SYNJ2: variants seen among roughly 807,000 people sequenced by gnomAD.
The protein encoded by SYNJ2 is synaptojanin 2, also known as polyphosphatidylinositol phosphatase SYNJ2.
Under a neutral mutation model 141.3 loss-of-function variants are expected in SYNJ2, and 116 were observed. That is an observed-to-expected ratio of 0.82 (90% CI 0.71 to 0.96). SYNJ2 has a LOEUF of 0.96. Ranked by LOEUF, SYNJ2 falls within the 40% of genes least tolerant of loss-of-function variation. SYNJ2 has a pLI of 0.00. For synonymous variants in SYNJ2, 745 were observed against 777.7 expected (o/e 0.96, Z 0.70); for missense variants, 1,873 against 1,934.8 (o/e 0.97, Z 0.60).
intron 8 of SYNJ2, among the ~76,000 whole-genome samples, chr6:158,063,205 T>G (rs887301803): frequency 1.3e-5 from 2 of 152,182 alleles, no homozygotes; most frequent in Non-Finnish European, 2.9e-5. Flanking sequence ...TACAACTTTA[T>G]AGAACATAAT....
chr6:158,088,034 A>ATTTTTTTTTTTTTTTT (rs568222551), intron 23 of SYNJ2, among the ~76,000 whole-genome samples: 1 of 31,922 alleles, frequency 3.1e-5, no homozygotes, highest in African/African-American at 8.5e-5. Context: ...CTGCTTTGGA[A>ATTTTTTTTTTTTTTTT]TTTTTTTTTT....
rs1297827126 is a variant in SYNJ2, at chr6:158,095,641, T to A, written c.3768T>A (p.Phe1256Leu). 6.2e-7 allele frequency: 1 copy of A among 1,606,038 alleles called. No homozygotes were observed. Among genetic ancestry groups the A allele is most frequent in the South Asian group, 1.1e-5 (1 of 90,038 alleles). Reference protein sequence around the residue: ...TGKPLSPEEQFEQQTVHFTIG... With the variant: ...TGKPLSPEEQLEQQTVHFTIG... Reference sequence around the variant, plus strand: ...AGCCCCTGTCACCGGAAGAACAGTTTGAGCAACAGACTGTCCATTTTACAA... The same window carrying A: ...AGCCCCTGTCACCGGAAGAACAGTTAGAGCAACAGACTGTCCATTTTACAA... The change falls in exon 27 of 27, where the codon TTT becomes TTA. Residue 1256 changes from phenylalanine to leucine, a missense_variant. Coordinates refer to ENST00000355585, the MANE Select transcript of SYNJ2 (RefSeq NM_003898.4).
chr6:158,040,722 G>A lies in SYNJ2; in HGVS notation c.712-2594G>A, dbSNP rs767799515. 2.0e-5 allele frequency among the ~76,000 whole-genome samples: 3 copies of A among 152,184 alleles called. No homozygotes were observed. The highest frequency in any genetic ancestry group is 4.4e-5 in the Non-Finnish European group (3 of 68,040). ...TCAGATAGAAGGTATATGTACCCCTGTGAGTTTTCCTGCCTCGTCGCTCTC... is the reference window on the plus strand; with the variant it reads ...TCAGATAGAAGGTATATGTACCCCTATGAGTTTTCCTGCCTCGTCGCTCTC... On this transcript the variant is annotated intron_variant, in intron 4 of 26. Coordinates refer to ENST00000355585, the MANE Select transcript of SYNJ2 (RefSeq NM_003898.4). The surrounding 1 kb of genome is among the most constrained non-coding windows in gnomAD (Gnocchi z 4.2).
Position 158,059,649 on chromosome 6 carries a change from G to T in SYNJ2, c.954+296G>T, listed in dbSNP as rs949519366. ...AGCTCACTGCAACCTCTGCCTCCCA[G>T]GTACAAGCGATTCTCCTCCCTCAGC... On this transcript the variant is annotated intron_variant, in intron 7 of 26. Coordinates refer to ENST00000355585, the MANE Select transcript of SYNJ2 (RefSeq NM_003898.4). 3 of 931,218 alleles carry T rather than the reference G, an allele frequency of 3.2e-6. No individual in the cohort carries two copies. The East Asian group carries it at 2.7e-4, about 83-fold the overall frequency. The allele number at this position is 931,218 out of a possible 1,614,324, so 57.7% of individuals were successfully genotyped here.
Position 158,076,743 on chromosome 6 carries a change from G to A in SYNJ2, c.2410G>A (p.Val804Met), listed in dbSNP as rs1167481937. 13 of 1,614,088 alleles carry A rather than the reference G, an allele frequency of 8.1e-6. No individual in the cohort carries two copies. The highest frequency in any genetic ancestry group is 1.7e-5 in the Admixed American group (1 of 59,980). The change falls in exon 17 of 27, where the codon GTG becomes ATG. Residue 804 changes from valine to methionine, a missense_variant. Transcript: ENST00000355585. ...CCGCACCCCCGCCTGGACAGACAGG[G>A]TGCTGTGGTGGAGGAAGAAACATCC... ...KCRTPAWTDR[V>M]LWWRKKHPFD... is the part of the protein sequence containing the mutation.
chr6:158,067,748 C>T, intron 12 of SYNJ2: 1 of 985,244 alleles, frequency 1.0e-6, no homozygotes. Flanking sequence ...GCCCTCCTTT[C>T]TGCCTCCAAG....
chr6:158,016,716 C>A (rs558534234), intron 1 of SYNJ2, among the ~76,000 whole-genome samples: 43 of 152,222 alleles, frequency 2.8e-4, no homozygotes, highest in African/African-American at 9.9e-4. Flanking sequence ...ACCCGGCAGG[C>A]AAGGCACGCA....
At chr6:158,018,565 T>A (rs1271581826) in intron 2 of SYNJ2, among the ~76,000 whole-genome samples, 1 of 152,190 alleles carries the variant, frequency 6.6e-6, no homozygotes, top group African/African-American at 2.4e-5. Flanking sequence ...GTGTTTTCTG[T>A]CATGGAATGT....
At chr6:158,009,141 A>G (rs56226949) in intron 1 of SYNJ2, among the ~76,000 whole-genome samples, 21,067 of 152,184 alleles carry the variant, frequency 0.14, 2,206 homozygotes, top group African/African-American at 0.29. Flanking sequence ...CTTCTCAGAC[A>G]ACACCATCTA....
At chr6:158,076,916 C>T in intron 17 of SYNJ2, 134 bp downstream of exon 17, 1 of 1,118,200 alleles carries the variant, frequency 8.9e-7, no homozygotes, top group South Asian at 1.9e-5. Flanking sequence ...ACACAAAAGT[C>T]ATCCCAGACC....
chr6:158,093,305 G>A (rs570032608), intron 26 of SYNJ2, among the ~76,000 whole-genome samples: 12 of 151,960 alleles, frequency 7.9e-5, no homozygotes, highest in Admixed American at 2.6e-4. Context: ...GCGTGGTGGC[G>A]CACGCCTGTA....
intron 5 of SYNJ2, 129 bp from the exon 6 acceptor site, chr6:158,054,838 G>C (rs962023642): frequency 7.0e-6 from 6 of 855,552 alleles, no homozygotes; most frequent in Non-Finnish European, 1.1e-5. Flanking sequence ...GCCCTGAAGA[G>C]ACCACAGAGG....
intron 5 of SYNJ2, among the ~76,000 whole-genome samples, chr6:158,050,361 T>G (rs1035420190): frequency 2.0e-5 from 3 of 152,242 alleles, no homozygotes; most frequent in Admixed American, 2.0e-4. Flanking sequence ...GACCACACTT[T>G]GAGAATCACT....
intron 20 of SYNJ2, among the ~76,000 whole-genome samples, chr6:158,082,620 C>G (rs1448854581): frequency 6.6e-6 from 1 of 152,092 alleles, no homozygotes. Context: ...TGAGATCGTG[C>G]CACTGCACTC....
chr6:158,049,571 C>T (rs1780443193), intron 5 of SYNJ2, among the ~76,000 whole-genome samples: 1 of 152,176 alleles, frequency 6.6e-6, no homozygotes, highest in African/African-American at 2.4e-5. Context: ...GGTCATGACT[C>T]AGGGAGAGGC....
At chr6:158,008,248 C>T (rs888575606) in intron 1 of SYNJ2, among the ~76,000 whole-genome samples, 3 of 152,228 alleles carry the variant, frequency 2.0e-5, no homozygotes, top group East Asian at 3.8e-4. Flanking sequence ...GCTGGGATTA[C>T]AGGCATGAGC....
At chr6:158,088,404 A>G (rs988194566) in intron 23 of SYNJ2, among the ~76,000 whole-genome samples, 1 of 152,158 alleles carries the variant, frequency 6.6e-6, no homozygotes, top group Non-Finnish European at 1.5e-5. Context: ...CCAAGATGTT[A>G]AAGTTTGCAT....
At position 158,033,504 on chromosome 6, in the gene SYNJ2, G is replaced by C; in HGVS notation, c.535G>C (p.Asp179His). ...PLRQHQVSCC[D>H]WLLKIICGVV... ...GAGGCAGCACCAGGTGAGCTGCTGT[G>C]ACTGGCTGCTGAAGATCATCTGCGG... The change falls in exon 4 of 27, where the codon GAC becomes CAC. Residue 179 changes from aspartate (D) to histidine (H), a missense_variant. Transcript: ENST00000355585. 8 of 1,614,226 alleles carry C rather than the reference G, an allele frequency of 5.0e-6. No homozygotes were observed. Among genetic ancestry groups the C allele is most frequent in the Non-Finnish European group, 6.8e-6 (8 of 1,180,054 alleles).
In SYNJ2 at chr6:158,027,247, T is replaced by A. The variant is rs1779096241; in HGVS notation, c.215-1509T>A. On this transcript the variant is annotated intron_variant, in intron 2 of 26. Transcript: ENST00000355585. This position sits in a 1 kb window ranked among gnomAD's most constrained non-coding sequence, Gnocchi z 4.6. The stretch of plus-strand genomic sequence containing the variant: ...GGAGTGTGGAGAGATCAGAACCATC[T>A]CCAGACCATGGCTGTAGACAGCGGC... 1.0e-6 allele frequency: 1 copy of A among 967,454 alleles called. No individual in the cohort carries two copies. The highest frequency in any genetic ancestry group is 4.8e-5 in the South Asian group (1 of 20,900). The allele number at this position is 967,454 out of a possible 1,614,324, so 59.9% of individuals were successfully genotyped here. A position where few individuals can be genotyped will look rare whatever the true frequency, so the allele number is the denominator to read the frequency against.
Sources: allele counts gnomAD v4.1 joint callset (sites outside exome capture counted in the v4.1 genomes callset), GRCh38; gene constraint gnomAD v4.1.1; non-coding constraint Gnocchi (gnomAD v3.1); transcripts MANE v1.5; gene names NCBI Gene and HGNC (gene_info 2026-07-23, HGNC 2026-07-21).